The following GARIN2 variants were observed in gnomAD, a reference collection of about 807,000 sequenced individuals.
The protein encoded by GARIN2 is Golgi-associated RAB2 interactor protein 2.
At chr14:67,225,195 T>G in the GARIN2 span, 1 of 1,557,954 alleles carries the variant, frequency 6.4e-7, no homozygotes, top group South Asian at 1.2e-5. Context: ...CTCAAGGGAA[T>G]GAATGTGAGG....
At chr14:67,214,308 T>G in the GARIN2 span, among the ~76,000 whole-genome samples, 1 of 152,344 alleles carries the variant, frequency 6.6e-6, no homozygotes. Context: ...GGTCTAACGT[T>G]TAAGTCTTTA....
the GARIN2 span, among the ~76,000 whole-genome samples, chr14:67,218,328 G>A: frequency 6.6e-6 from 1 of 152,216 alleles, no homozygotes; most frequent in African/African-American, 2.4e-5. Context: ...TGGGTGCACA[G>A]CTGCTTGGGT....
chr14:67,203,043 C>T, the GARIN2 span: 1 of 1,570,640 alleles, frequency 6.4e-7, no homozygotes, highest in Non-Finnish European at 8.6e-7. Flanking sequence ...GCAAGGTTGT[C>T]AAAGCCACAC....
the GARIN2 span, among the ~76,000 whole-genome samples, chr14:67,193,954 C>CAAAAAAAAAACAAAAA: frequency 3.5e-5 from 3 of 85,760 alleles, no homozygotes; most frequent in Admixed American, 1.2e-4. Context: ...CAAAAAAAAA[C>CAAAAAAAAAACAAAAA]AAAAAAAAAA....
At chr14:67,213,420 T>G in the GARIN2 span, among the ~76,000 whole-genome samples, 1 of 144,016 alleles carries the variant, frequency 6.9e-6, no homozygotes, top group Non-Finnish European at 1.5e-5. Flanking sequence ...CGGTGTTTGG[T>G]TTTTTGTTCT....
At chr14:67,208,024 C>T in the GARIN2 span, 1 of 455,052 alleles carries the variant, frequency 2.2e-6, no homozygotes, top group Non-Finnish European at 2.9e-6. Context: ...CTGCCGCCAA[C>T]ACACCCGGGG....
the GARIN2 span, among the ~76,000 whole-genome samples, chr14:67,207,248 G>T: frequency 6.6e-6 from 1 of 152,124 alleles, no homozygotes. Context: ...GAAGCACAAT[G>T]CTGGCATCTG....
At chr14:67,193,465 A>G in the GARIN2 span, among the ~76,000 whole-genome samples, 2 of 143,322 alleles carry the variant, frequency 1.4e-5, no homozygotes, top group Non-Finnish European at 3.0e-5. Flanking sequence ...ATATCTAGAT[A>G]TCTAGATATC....
At chr14:67,196,900 G>A in the GARIN2 span, 14 of 152,112 alleles carry the variant, frequency 9.2e-5, no homozygotes, top group Admixed American at 9.2e-4. Flanking sequence ...GTTTAGAATT[G>A]AAATTAGTTT....
the GARIN2 span, among the ~76,000 whole-genome samples, chr14:67,192,910 A>G: frequency 7.5e-6 from 1 of 133,674 alleles, no homozygotes; most frequent in African/African-American, 2.8e-5. Flanking sequence ...CTAGATATAT[A>G]TAGATATATA....
chr14:67,220,076 T>C, the GARIN2 span, among the ~76,000 whole-genome samples: 2 of 152,186 alleles, frequency 1.3e-5, no homozygotes, highest in African/African-American at 2.4e-5. Context: ...AAGTTATATA[T>C]ATTATTTTTC....
chr14:67,204,723 C>T, the GARIN2 span: 16 of 1,613,910 alleles, frequency 9.9e-6, no homozygotes, highest in Non-Finnish European at 1.4e-5. Context: ...CCAAAGTTTC[C>T]AAAGTGTCGG....
chr14:67,205,802 G>A, the GARIN2 span, among the ~76,000 whole-genome samples: 1 of 152,194 alleles, frequency 6.6e-6, no homozygotes, highest in Non-Finnish European at 1.5e-5. Context: ...AAGGAGCTGT[G>A]TTTTTAAAAG....
the GARIN2 span, among the ~76,000 whole-genome samples, chr14:67,227,144 T>G: frequency 6.6e-6 from 1 of 152,038 alleles, no homozygotes; most frequent in Non-Finnish European, 1.5e-5. Flanking sequence ...CTTATTAAAT[T>G]GAAAAATTTG....
the GARIN2 span, among the ~76,000 whole-genome samples, chr14:67,190,027 G>T: frequency 6.9e-6 from 1 of 145,802 alleles, no homozygotes; most frequent in Non-Finnish European, 1.5e-5. Flanking sequence ...TTTTTTTTAA[G>T]TAGAGACAGG....
At chr14:67,227,301 A>G in the GARIN2 span, among the ~76,000 whole-genome samples, 1 of 151,958 alleles carries the variant, frequency 6.6e-6, no homozygotes, top group Admixed American at 6.6e-5. Context: ...TTAGCCGGGC[A>G]TGGTGGCGCA....
the GARIN2 span, among the ~76,000 whole-genome samples, chr14:67,193,114 ATCTC>A: frequency 9.0e-5 from 13 of 144,162 alleles, no homozygotes; most frequent in Non-Finnish European, 1.4e-4. Flanking sequence ...CTATATAGAT[ATCTC>A]TCTATATATC....
chr14:67,206,142 C>A, the GARIN2 span, among the ~76,000 whole-genome samples: 1 of 151,902 alleles, frequency 6.6e-6, no homozygotes, highest in African/African-American at 2.4e-5. Flanking sequence ...CGAGATCATG[C>A]CACTGCTCTG....
chr14:67,198,377 G>A, the GARIN2 span: 1 of 1,479,650 alleles, frequency 6.8e-7, no homozygotes, highest in African/African-American at 1.4e-5. Flanking sequence ...TTTTCTCAAA[G>A]AAAACTGAAA....
Sources: gnomAD v4.1 joint callset for allele counts (sites outside exome capture counted in the v4.1 genomes callset) on GRCh38, gnomAD v4.1.1 for gene constraint, MANE v1.5 for transcripts, NCBI Gene and HGNC (gene_info 2026-07-23, HGNC 2026-07-21) for gene names.